The following STXBP4 variants were observed in gnomAD, a reference collection of about 807,000 sequenced individuals.
STXBP4 encodes the protein syntaxin binding protein 4.
In STXBP4, 55 loss-of-function variants were observed where a neutral mutation model predicts 76.1. The ratio of observed to expected loss-of-function variants is 0.72; its 90% CI spans 0.58 to 0.91. STXBP4 has a LOEUF of 0.91. STXBP4 is among the 40% of genes least tolerant of loss of function. The pLI, the probability that STXBP4 is intolerant of heterozygous loss-of-function variation, is 0.00. For missense variants in STXBP4, 618 were observed against 636.9 expected, an observed-to-expected ratio of 0.97 and a Z score of 0.32; for synonymous variants, 201 against 220.2, an observed-to-expected ratio of 0.91 and a Z score of 0.77.
intron 16 of STXBP4, among the ~76,000 whole-genome samples, chr17:55,112,768 G>A (rs1768716033): frequency 6.6e-6 from 1 of 152,102 alleles, no homozygotes; most frequent in Admixed American, 6.6e-5. Context: ...AGGAGTGGGA[G>A]GAGAACTCAT....
Position 55,170,497 on chromosome 17 carries a change from C to G in STXBP4, c.*10586C>G, listed in dbSNP as rs1224228033. On this transcript the variant is annotated 3_prime_UTR_variant, in exon 18 of 18. Coordinates refer to ENST00000376352, the MANE Select transcript of STXBP4 (RefSeq NM_178509.6). ...TTTATTTATTATATTTTTCTGCATA[C>G]TACTCTACAGTGAGCCTGTCCTTTA... The G allele has an allele frequency of 6.6e-6, 1 of 152,090 alleles. No homozygotes were observed. The highest frequency in any genetic ancestry group is 1.5e-5 in the Non-Finnish European group (1 of 68,010). 9.4% of individuals were successfully genotyped at this position (152,090 alleles called of 1,614,324 possible). A position where few individuals can be genotyped will look rare whatever the true frequency, so the allele number is the denominator to read the frequency against.
chr17:55,123,716 C>G (rs544166152), intron 16 of STXBP4, among the ~76,000 whole-genome samples: 3 of 151,890 alleles, frequency 2.0e-5, no homozygotes, highest in Admixed American at 6.6e-5. Context: ...CTGGCTAAGA[C>G]AGTGAAACCC....
chr17:55,194,355 A>G, the STXBP4 span, among the ~76,000 whole-genome samples: 2 of 152,008 alleles, frequency 1.3e-5, no homozygotes, highest in East Asian at 1.9e-4. Flanking sequence ...TGTGTTGTGT[A>G]TATATATATA....
intron 9 of STXBP4, among the ~76,000 whole-genome samples, chr17:55,031,527 G>A (rs1477833318): frequency 1.3e-5 from 2 of 151,952 alleles, no homozygotes; most frequent in Non-Finnish European, 2.9e-5. Flanking sequence ...TTTATTTATT[G>A]CATAAACATT....
intron 16 of STXBP4, among the ~76,000 whole-genome samples, chr17:55,090,652 T>C (rs2079398999): frequency 6.6e-6 from 1 of 152,176 alleles, no homozygotes; most frequent in African/African-American, 2.4e-5. Context: ...ATTCAGGCTA[T>C]TCTAGCTCTT....
chr17:55,202,124 A>C, the STXBP4 span, among the ~76,000 whole-genome samples: 1 of 152,054 alleles, frequency 6.6e-6, no homozygotes, highest in East Asian at 1.9e-4. Flanking sequence ...ATAGTGCCAG[A>C]GTCAATTCAC....
the STXBP4 span, among the ~76,000 whole-genome samples, chr17:55,197,512 G>A: frequency 6.6e-6 from 1 of 152,210 alleles, no homozygotes; most frequent in African/African-American, 2.4e-5. Flanking sequence ...GGGAGGCCAA[G>A]GCGGGCAGAT....
intron 8 of STXBP4, among the ~76,000 whole-genome samples, chr17:55,021,679 A>G (rs2078313323): frequency 6.6e-6 from 1 of 152,066 alleles, no homozygotes; most frequent in Non-Finnish European, 1.5e-5. Flanking sequence ...ATTGTTTATT[A>G]TTATCTAGTA....
At position 55,166,236 on chromosome 17, in the gene STXBP4, A is replaced by G. The variant is rs1478618643; in HGVS notation, c.*6325A>G. Reference sequence around the variant, plus strand: ...GAATACATCCTAGAACATTTCTTAAATATATTCCCTTTTCTCTGTTTCATG... The same window carrying G: ...GAATACATCCTAGAACATTTCTTAAGTATATTCCCTTTTCTCTGTTTCATG... On this transcript the variant is annotated 3_prime_UTR_variant, in exon 18 of 18. Coordinates refer to ENST00000376352, the MANE Select transcript of STXBP4 (RefSeq NM_178509.6). 6.6e-6 allele frequency: 1 copy of G among 152,150 alleles called. No individual in the cohort carries two copies. Among genetic ancestry groups the G allele is most frequent in the Non-Finnish European group, 1.5e-5 (1 of 68,024 alleles). The allele number at this position is 152,150 out of a possible 1,614,324, so 9.4% of individuals were successfully genotyped here.
At chr17:55,138,076 G>T (rs976424206) in intron 16 of STXBP4, among the ~76,000 whole-genome samples, 1 of 152,018 alleles carries the variant, frequency 6.6e-6, no homozygotes, top group African/African-American at 2.4e-5. Flanking sequence ...CGATTTGTAG[G>T]AATTCTTTCT....
intron 8 of STXBP4, among the ~76,000 whole-genome samples, chr17:55,011,508 C>CTTTTTTTTTTTTTTTTTTTTTTTTTTTTT (rs3080154): frequency 2.3e-5 from 2 of 85,926 alleles, no homozygotes; most frequent in Admixed American, 1.6e-4. Flanking sequence ...TTTTCTTTTT[C>CTTTTTTTTTTTTTTTTTTTTTTTTTTTTT]TTTTTTTTTT....
intron 12 of STXBP4, among the ~76,000 whole-genome samples, chr17:55,049,237 G>C (rs899631987): frequency 6.6e-6 from 1 of 151,938 alleles, no homozygotes; most frequent in Non-Finnish European, 1.5e-5. Context: ...TGATATTCCT[G>C]AAGACCTTCA....
intron 16 of STXBP4, among the ~76,000 whole-genome samples, chr17:55,088,270 C>G (rs1377037192): frequency 6.6e-6 from 1 of 152,168 alleles, no homozygotes; most frequent in Non-Finnish European, 1.5e-5. Flanking sequence ...TTTCAAGTTA[C>G]AATTTGAAAT....
intron 4 of STXBP4, among the ~76,000 whole-genome samples, chr17:54,993,936 T>C (rs2077758939): frequency 6.6e-6 from 1 of 152,186 alleles, no homozygotes; most frequent in Admixed American, 6.5e-5. Context: ...TTTTCTTTAA[T>C]TATTCATGGT....
At chr17:55,197,586 C>A in the STXBP4 span, among the ~76,000 whole-genome samples, 136 of 151,926 alleles carry the variant, frequency 9.0e-4, no homozygotes, top group Non-Finnish European at 1.6e-3. Flanking sequence ...TACTAAAAAT[C>A]AAAAAAATCA....
intron 1 of STXBP4, among the ~76,000 whole-genome samples, chr17:54,978,551 T>C (rs2077502834): frequency 6.6e-6 from 1 of 152,174 alleles, no homozygotes; most frequent in South Asian, 2.1e-4. Context: ...GCAACATTTG[T>C]TGATACCTTA....
At chr17:55,039,951 T>C (rs908898714) in intron 10 of STXBP4, among the ~76,000 whole-genome samples, 5 of 152,050 alleles carry the variant, frequency 3.3e-5, no homozygotes, top group African/African-American at 9.7e-5. Context: ...TTTGGGAATA[T>C]TTTGGAGAGT....
chr17:54,973,008 G>T (rs534717148), intron 1 of STXBP4, among the ~76,000 whole-genome samples: 8 of 152,256 alleles, frequency 5.3e-5, no homozygotes, highest in African/African-American at 1.9e-4. Context: ...AAAGTGACGA[G>T]GAAGAAAGAA....
intron 9 of STXBP4, among the ~76,000 whole-genome samples, chr17:55,032,360 A>T (rs553216995): frequency 6.6e-6 from 1 of 152,310 alleles, no homozygotes; most frequent in South Asian, 2.1e-4. Flanking sequence ...AAAAACACAT[A>T]CAAGTAAAAT....
Sources: gnomAD v4.1 joint callset for allele counts (sites outside exome capture counted in the v4.1 genomes callset) on GRCh38, gnomAD v4.1.1 for gene constraint, MANE v1.5 for transcripts, NCBI Gene and HGNC (gene_info 2026-07-23, HGNC 2026-07-21) for gene names.